NLRP1: variants seen among roughly 807,000 people sequenced by gnomAD.
NLRP1 encodes the protein NLR family pyrin domain containing 1, also known as NACHT, LRR and PYD domains-containing protein 1.
Under a neutral mutation model 136.7 loss-of-function variants are expected in NLRP1, and 94 were observed. The ratio of observed to expected loss-of-function variants is 0.69; its 90% CI spans 0.58 to 0.82. The LOEUF is 0.82. Among genes scored for constraint, NLRP1 ranks in the 40% least tolerant of loss-of-function variants. The pLI is 0.00. For synonymous variants in NLRP1, 690 were observed against 725.1 expected (o/e 0.95, Z 0.78); for missense variants, 1,575 against 1,802.7 (o/e 0.87, Z 2.29).
intron 12 of NLRP1, among the ~76,000 whole-genome samples, chr17:5,526,544 T>G (rs1254259809): frequency 2.6e-5 from 4 of 151,972 alleles, no homozygotes; most frequent in Admixed American, 2.0e-4. Context: ...GTGACAAAAA[T>G]GAGGGAACTC....
intron 3 of NLRP1, among the ~76,000 whole-genome samples, chr17:5,568,824 G>C (rs952975509): frequency 6.6e-6 from 1 of 152,164 alleles, no homozygotes; most frequent in African/African-American, 2.4e-5. Flanking sequence ...AATAGTCTTA[G>C]ACAAAATCTG....
At chr17:5,564,668 T>C (rs1346181033) in intron 3 of NLRP1, among the ~76,000 whole-genome samples, 2 of 152,058 alleles carry the variant, frequency 1.3e-5, no homozygotes, top group East Asian at 3.8e-4. Flanking sequence ...TGCATGTATC[T>C]CTTCGATATT....
intron 5 of NLRP1, among the ~76,000 whole-genome samples, chr17:5,549,261 C>T (rs1913033586): frequency 6.6e-6 from 1 of 150,456 alleles, no homozygotes; most frequent in Non-Finnish European, 1.5e-5. Flanking sequence ...TTCCTGAAAC[C>T]TTGCTGAAAT....
At position 5,532,904 on chromosome 17, in the gene NLRP1, G is replaced by A. The variant is rs149973177; in HGVS notation, c.3214C>T (p.Pro1072Ser). Residue 1072 changes from proline (P) to serine (S), a missense_variant, in exon 11 of 17, where the codon CCT (proline) becomes TCT (serine). Pro to Ser is a moderately conservative substitution (Grantham distance 74). Transcript: ENST00000572272. ...CAGAAGTCATCGTCAGTCCCCAAAG[G>A]CTTCGTATGCAGGTCCCCTTGAGAG... ...PASQGDLHTK[P>S]LGTDDDFWGP... 2 of 1,613,986 alleles carry A rather than the reference G, an allele frequency of 1.2e-6. No individual in the cohort carries two copies. Among genetic ancestry groups the A allele is most frequent in the Non-Finnish European group, 8.5e-7 (1 of 1,179,882 alleles).
chr17:5,542,755 T>C (rs1912036254), intron 5 of NLRP1, among the ~76,000 whole-genome samples: 1 of 130,700 alleles, frequency 7.7e-6, no homozygotes. Flanking sequence ...CTTCCTTCCT[T>C]TCCTCTTTCT....
At chr17:5,538,798 G>A (rs187657601) in intron 7 of NLRP1, among the ~76,000 whole-genome samples, 2 of 152,270 alleles carry the variant, frequency 1.3e-5, no homozygotes, top group Admixed American at 1.3e-4. Context: ...GTCCCCTAGA[G>A]CATGCAGCCT....
intron 6 of NLRP1, among the ~76,000 whole-genome samples, chr17:5,540,450 C>G (rs1911726540): frequency 6.6e-6 from 1 of 152,110 alleles, no homozygotes; most frequent in African/African-American, 2.4e-5. Context: ...ACTGTTGGCT[C>G]TCCCAGCTGG....
At chr17:5,555,053 A>ACACACACG (rs1244956576) in intron 4 of NLRP1, among the ~76,000 whole-genome samples, 18 of 151,026 alleles carry the variant, frequency 1.2e-4, no homozygotes, top group African/African-American at 4.4e-4. Flanking sequence ...ACACACACAC[A>ACACACACG]CACGAAAAAA....
At chr17:5,526,629 C>T (rs974745167) in intron 12 of NLRP1, among the ~76,000 whole-genome samples, 5 of 152,104 alleles carry the variant, frequency 3.3e-5, no homozygotes, top group African/African-American at 4.8e-5. Context: ...GGTGGGGGAA[C>T]GAAGGACCCG....
At chr17:5,572,110 A>G in intron 3 of NLRP1, among the ~76,000 whole-genome samples, 1 of 152,234 alleles carries the variant, frequency 6.6e-6, no homozygotes, top group Non-Finnish European at 1.5e-5. Flanking sequence ...AAGATGGATG[A>G]AAGTCTTAAA....
At chr17:5,581,368 T>A (rs1267974232) in intron 3 of NLRP1, among the ~76,000 whole-genome samples, 1 of 152,238 alleles carries the variant, frequency 6.6e-6, no homozygotes, top group African/African-American at 2.4e-5. Context: ...GGTTTTCTCA[T>A]CTCCAGGGTA....
At chr17:5,561,785 A>G (rs911595861) in intron 3 of NLRP1, among the ~76,000 whole-genome samples, 3 of 152,162 alleles carry the variant, frequency 2.0e-5, no homozygotes, top group Admixed American at 6.5e-5. Context: ...TCTTTGGGAT[A>G]TTATTTTGTT....
intron 5 of NLRP1, among the ~76,000 whole-genome samples, chr17:5,546,494 C>T (rs1418140432): frequency 6.6e-6 from 1 of 152,144 alleles, no homozygotes; most frequent in Non-Finnish European, 1.5e-5. Context: ...TTCCGGCATT[C>T]CTTTTTTGAG....
intron 3 of NLRP1, among the ~76,000 whole-genome samples, chr17:5,561,961 C>T (rs1914803907): frequency 6.6e-6 from 1 of 152,130 alleles, no homozygotes; most frequent in Non-Finnish European, 1.5e-5. Flanking sequence ...GTGACTCCAC[C>T]CACCACCGCC....
intron 5 of NLRP1, 113 bp downstream of exon 5, chr17:5,553,273 G>T: frequency 1.1e-6 from 1 of 918,486 alleles, no homozygotes; most frequent in Non-Finnish European, 1.6e-6. Flanking sequence ...GGCCAGAGAA[G>T]GCCTCAACGA....
intron 15 of NLRP1, among the ~76,000 whole-genome samples, chr17:5,517,165 T>C (rs1908221207): frequency 6.6e-6 from 1 of 152,210 alleles, no homozygotes; most frequent in Non-Finnish European, 1.5e-5. Context: ...TGTCGACATC[T>C]GTTAATTCAA....
chr17:5,548,745 T>TCTTA (rs71151871), intron 5 of NLRP1, among the ~76,000 whole-genome samples: 7,176 of 152,274 alleles, frequency 0.047, 195 homozygotes, highest in Middle Eastern at 0.085. Context: ...TCAGTCCTTA[T>TCTTA]CTTGACCTCC....
intron 5 of NLRP1, among the ~76,000 whole-genome samples, chr17:5,543,868 C>T (rs34031227): frequency 0.047 from 7,176 of 152,086 alleles, 197 homozygotes; most frequent in Middle Eastern, 0.085. Context: ...ACTGAGAAAG[C>T]AGATGTTAGA....
chr17:5,577,267 A>G (rs573538947), intron 3 of NLRP1, among the ~76,000 whole-genome samples: 78 of 152,350 alleles, frequency 5.1e-4, no homozygotes, highest in African/African-American at 1.8e-3. Context: ...GGCCAGGGCA[A>G]TCAGGCAGGA....
Sources: allele counts gnomAD v4.1 joint callset (sites outside exome capture counted in the v4.1 genomes callset), GRCh38; gene constraint gnomAD v4.1.1; transcripts MANE v1.5; gene names NCBI Gene and HGNC (gene_info 2026-07-23, HGNC 2026-07-21).